Variants in PRKAG2 observed in about 807,000 individuals in gnomAD.
PRKAG2 encodes the protein 5'-AMP-activated protein kinase subunit gamma-2.
A neutral mutation model predicts 69.6 loss-of-function variants in PRKAG2; 26 were observed. The observed-to-expected ratio is 0.37, with a 90% CI of 0.27 to 0.52. The LOEUF is 0.52. Among genes scored for constraint, PRKAG2 ranks in the 20% least tolerant of loss-of-function variants. The probability of loss-of-function intolerance (pLI) is 0.90; values close to 1 mark genes in which losing one functional copy is unlikely to be tolerated. For missense variants in PRKAG2, 557 were observed against 740.0 expected (o/e 0.75, Z 2.87); for synonymous variants, 293 against 285.0 (o/e 1.03, Z -0.28).
At chr7:151,696,212 T>C (rs543114770) in intron 3 of PRKAG2, among the ~76,000 whole-genome samples, 1 of 152,256 alleles carries the variant, frequency 6.6e-6, no homozygotes, top group Admixed American at 6.5e-5. Context: ...ATTCAGCGCA[T>C]GATACTGGCA....
chr7:151,634,943 T>TTTG (rs200193083), intron 4 of PRKAG2, among the ~76,000 whole-genome samples: 15,792 of 149,290 alleles, frequency 0.11, 907 homozygotes, highest in Middle Eastern at 0.13. Context: ...ACCACTGTTT[T>TTTG]TTTTTTTTTT....
At chr7:151,817,224 A>C (rs1263538904) in intron 1 of PRKAG2, among the ~76,000 whole-genome samples, 1 of 152,184 alleles carries the variant, frequency 6.6e-6, no homozygotes, top group South Asian at 2.1e-4. Context: ...CTAGTAGATC[A>C]CAGATACTTA....
At chr7:151,558,522 C>A in intron 15 of PRKAG2, 1 of 954,884 alleles carries the variant, frequency 1.0e-6, no homozygotes. Flanking sequence ...TCAGACAGCG[C>A]TCGGGTGGGA....
At chr7:151,688,976 A>G (rs1162100720) in intron 3 of PRKAG2, among the ~76,000 whole-genome samples, 2 of 152,168 alleles carry the variant, frequency 1.3e-5, no homozygotes, top group Non-Finnish European at 2.9e-5. Context: ...TTGCACCCTG[A>G]ACCTCCAAAC....
At position 151,610,140 on chromosome 7, in the gene PRKAG2, C is replaced by A. The variant is rs534962007; in HGVS notation, c.755-14686G>T. ...CAGCACTTTCGGAGGCCGAGGTGGG[C>A]GGAACACGAGGTCAGGAGATCGAGA... is the stretch of plus-strand genomic sequence containing the variant. On this transcript the variant is annotated intron_variant, in intron 5 of 15. Transcript: ENST00000287878. 9.9e-5 allele frequency among the ~76,000 whole-genome samples: 15 copies of A among 152,270 alleles called. No individual in the cohort carries two copies. In the East Asian group the frequency reaches 2.7e-3, roughly 27 times the overall value.
chr7:151,637,247 TAAAA>T (rs1825889890), intron 4 of PRKAG2, among the ~76,000 whole-genome samples: 1 of 152,326 alleles, frequency 6.6e-6, no homozygotes, highest in East Asian at 1.9e-4. Flanking sequence ...AAAAGTTTTT[TAAAA>T]AAACTTGGAG....
intron 1 of PRKAG2, among the ~76,000 whole-genome samples, chr7:151,822,214 G>C (rs1193594076): frequency 6.6e-6 from 1 of 152,208 alleles, no homozygotes; most frequent in Admixed American, 6.5e-5. Context: ...TCTGGCCAGG[G>C]CTGGGGCCAG....
At position 151,849,248 on chromosome 7, in the gene PRKAG2, G is replaced by A. The variant is rs534580399; in HGVS notation, c.114+27259C>T. On this transcript the variant is annotated intron_variant, in intron 1 of 15. Coordinates refer to ENST00000287878, the MANE Select transcript of PRKAG2 (RefSeq NM_016203.4). ...GGGGCCTCCGATGCACCGTGCTTTGGAGAAAGTTTCTGGCAGGGCCCTGCT... is the reference window on the plus strand; with the variant it reads ...GGGGCCTCCGATGCACCGTGCTTTGAAGAAAGTTTCTGGCAGGGCCCTGCT... Among the ~76,000 whole-genome samples, 68 of 152,376 alleles carry A rather than the reference G, an allele frequency of 4.5e-4. 1 individual carries two copies. The South Asian group carries it at 7.0e-3, about 16-fold the overall frequency.
Position 151,832,100 on chromosome 7 carries a change from C to G in PRKAG2, c.114+44407G>C, listed in dbSNP as rs181718532. ...CAGGGGCCACCAGATGCCTGGAACCCAGACTCTTCTGAGGCCTGGGGGAAG... is the reference window on the plus strand; with the variant it reads ...CAGGGGCCACCAGATGCCTGGAACCGAGACTCTTCTGAGGCCTGGGGGAAG... On this transcript the variant is annotated intron_variant, in intron 1 of 15. Coordinates refer to ENST00000287878, the MANE Select transcript of PRKAG2 (RefSeq NM_016203.4). Among the ~76,000 whole-genome samples the G allele has an allele frequency of 2.0e-3, 298 of 152,210 alleles. 1 individual carries two copies. The highest frequency in any genetic ancestry group is 4.6e-3 in the Admixed American group (71 of 15,292).
intron 3 of PRKAG2, among the ~76,000 whole-genome samples, chr7:151,682,745 C>G (rs1009694056): frequency 4.0e-5 from 6 of 151,818 alleles, no homozygotes; most frequent in African/African-American, 1.5e-4. Context: ...AAAAAATCAG[C>G]CCCAACACCA....
intron 5 of PRKAG2, among the ~76,000 whole-genome samples, chr7:151,624,076 C>A (rs1479978714): frequency 1.3e-5 from 2 of 151,822 alleles, no homozygotes; most frequent in East Asian, 3.9e-4. Context: ...GTTCAGAAAC[C>A]TCATTGATGT....
chr7:151,629,380 C>T (rs556559693), intron 5 of PRKAG2, among the ~76,000 whole-genome samples: 27 of 152,260 alleles, frequency 1.8e-4, no homozygotes, highest in Admixed American at 1.2e-3. Context: ...TATTCTTATG[C>T]ACAGAGAGGG....
intron 1 of PRKAG2, among the ~76,000 whole-genome samples, chr7:151,854,590 G>C (rs907327599): frequency 6.6e-6 from 1 of 152,232 alleles, no homozygotes. Flanking sequence ...GGGCCTCATG[G>C]AATGCTAATG....
intron 3 of PRKAG2, among the ~76,000 whole-genome samples, chr7:151,754,246 C>T (rs926896594): frequency 2.6e-5 from 4 of 152,242 alleles, no homozygotes; most frequent in East Asian, 1.9e-4. Context: ...TGGCTGGGGA[C>T]GTCTTCCAGG....
intron 1 of PRKAG2, among the ~76,000 whole-genome samples, chr7:151,819,318 A>C (rs1025293673): frequency 1.1e-4 from 16 of 152,200 alleles, no homozygotes; most frequent in Admixed American, 9.2e-4. Flanking sequence ...AACAGGTTGG[A>C]CCTGCCGCCT....
At chr7:151,711,011 A>G (rs1795210562) in intron 3 of PRKAG2, among the ~76,000 whole-genome samples, 1 of 152,120 alleles carries the variant, frequency 6.6e-6, no homozygotes, top group African/African-American at 2.4e-5. Context: ...CAGTACTAAC[A>G]TGCTAGGGTT....
intron 5 of PRKAG2, among the ~76,000 whole-genome samples, chr7:151,620,955 T>C (rs575122545): frequency 6.6e-6 from 1 of 152,274 alleles, no homozygotes; most frequent in Non-Finnish European, 1.5e-5. Flanking sequence ...TGGGATTACC[T>C]GAGCCGCCCA....
intron 3 of PRKAG2, among the ~76,000 whole-genome samples, chr7:151,676,052 C>T (rs951092482): frequency 1.3e-5 from 2 of 152,192 alleles, no homozygotes; most frequent in African/African-American, 4.8e-5. Context: ...CTTTTACACA[C>T]ACCCTCCAGA....
chr7:151,840,089 G>A (rs1335805499), intron 1 of PRKAG2, among the ~76,000 whole-genome samples: 1 of 152,194 alleles, frequency 6.6e-6, no homozygotes, highest in Non-Finnish European at 1.5e-5. Context: ...CAGTCCTTGA[G>A]GGCATTACAT....
Sources: gnomAD v4.1 joint callset for allele counts (sites outside exome capture counted in the v4.1 genomes callset) on GRCh38, gnomAD v4.1.1 for gene constraint, MANE v1.5 for transcripts, NCBI Gene and HGNC (gene_info 2026-07-23, HGNC 2026-07-21) for gene names.